The following HAUS6 variants were observed in gnomAD, a reference collection of about 807,000 sequenced individuals.
The protein encoded by HAUS6 is HAUS augmin like complex subunit 6.
Under a neutral mutation model 106.8 loss-of-function variants are expected in HAUS6, and 80 were observed. The observed-to-expected ratio is 0.75, with a 90% CI of 0.63 to 0.90. The LOEUF (loss-of-function observed/expected upper bound fraction) is 0.90. Among genes scored for constraint, HAUS6 ranks in the 40% least tolerant of loss-of-function variants. The pLI is 0.00. For synonymous variants in HAUS6, 356 were observed against 379.1 expected, an observed-to-expected ratio of 0.94 and a Z score of 0.71; for missense variants, 1,155 against 1,118.1, an observed-to-expected ratio of 1.03 and a Z score of -0.47.
chr9:19,060,015 T>C (rs772458527), intron 15 of HAUS6, 73 bp downstream of exon 15: 6 of 1,198,328 alleles, frequency 5.0e-6, no homozygotes, highest in Middle Eastern at 2.0e-4. Flanking sequence ...GCTAAAAAGA[T>C]CTGTCAGGCC....
chr9:19,063,304 C>CAATTTCACAATAG, intron 13 of HAUS6, 111 bp from the exon 14 acceptor site: 1 of 751,578 alleles, frequency 1.3e-6, no homozygotes, highest in Non-Finnish European at 2.1e-6. Context: ...GTTGTTAATA[C>CAATTTCACAATAG]TATTGTGAAA....
chr9:19,084,051 C>CAAAAAAAAAAA (rs35034404), intron 7 of HAUS6, among the ~76,000 whole-genome samples: 1 of 100,438 alleles, frequency 1.0e-5, no homozygotes. Flanking sequence ...AGGATCCTTG[C>CAAAAAAAAAAA]AAAAAAAAAA....
chr9:19,085,108 G>A (rs1166381298), intron 7 of HAUS6, among the ~76,000 whole-genome samples: 1 of 152,052 alleles, frequency 6.6e-6, no homozygotes, highest in Non-Finnish European at 1.5e-5. Context: ...ATGTTGTATG[G>A]CAAGGTAAAG....
intron 3 of HAUS6, among the ~76,000 whole-genome samples, chr9:19,094,044 C>T (rs1255239452): frequency 1.3e-5 from 2 of 152,148 alleles, no homozygotes; most frequent in East Asian, 1.9e-4. Flanking sequence ...AAATAATATA[C>T]GGTTGGAAAA....
At chr9:19,097,379 A>T (rs140957568) in intron 1 of HAUS6, among the ~76,000 whole-genome samples, 9 of 152,034 alleles carry the variant, frequency 5.9e-5, no homozygotes, top group Non-Finnish European at 1.5e-5. Context: ...CCAGAATCTA[A>T]AATGAACTCA....
intron 9 of HAUS6, 108 bp from the exon 10 acceptor site, chr9:19,078,410 A>C: frequency 1.5e-6 from 1 of 663,198 alleles, no homozygotes; most frequent in Non-Finnish European, 2.6e-6. Context: ...AATAGAAGTG[A>C]AAGTTCAATC....
At chr9:19,073,773 T>C (rs1008548632) in intron 11 of HAUS6, 4 of 152,116 alleles carry the variant, frequency 2.6e-5, no homozygotes, top group Non-Finnish European at 5.9e-5. Flanking sequence ...GGAACCAGGA[T>C]GCTCTATCTG....
chr9:19,101,805 A>G (rs892508303), intron 1 of HAUS6, among the ~76,000 whole-genome samples: 10 of 152,138 alleles, frequency 6.6e-5, no homozygotes, highest in African/African-American at 2.4e-4. Flanking sequence ...CTGTAATCCC[A>G]GCTACTCGGG....
chr9:19,098,650 A>G (rs1214194435), intron 1 of HAUS6, among the ~76,000 whole-genome samples: 3 of 152,102 alleles, frequency 2.0e-5, no homozygotes, highest in Non-Finnish European at 2.9e-5. Context: ...TAATGCAACC[A>G]TATGATTTTT....
At chr9:19,060,513 C>T (rs1836588715) in intron 14 of HAUS6, among the ~76,000 whole-genome samples, 1 of 152,208 alleles carries the variant, frequency 6.6e-6, no homozygotes, top group Non-Finnish European at 1.5e-5. Flanking sequence ...GAGGCAGTTC[C>T]AGTTGTGCAG....
Position 19,055,128 on chromosome 9 carries a change from TAAAAG to T in HAUS6, c.*1210_*1214del. 1 of 152,178 alleles carries T rather than the reference TAAAAG, an allele frequency of 6.6e-6. No individual in the cohort carries two copies. Among genetic ancestry groups the T allele is most frequent in the South Asian group, 2.1e-4 (1 of 4,820 alleles). 9.4% of individuals were successfully genotyped at this position (152,178 alleles called of 1,614,324 possible). On this transcript the variant is annotated 3_prime_UTR_variant, in exon 17 of 17. Coordinates refer to ENST00000380502, the MANE Select transcript of HAUS6 (RefSeq NM_017645.5). ...CAACTTAGAGAAAGGCAGCCCAAGA[TAAAAG>T]AAATAACTATTAAGCCATCTACTTC...
intron 2 of HAUS6, among the ~76,000 whole-genome samples, chr9:19,096,330 C>T (rs972759516): frequency 6.6e-6 from 1 of 151,976 alleles, no homozygotes; most frequent in Non-Finnish European, 1.5e-5. Context: ...TTTGGGAGGC[C>T]GAGGCAGGTG....
intron 10 of HAUS6, among the ~76,000 whole-genome samples, chr9:19,077,902 A>G (rs1837045918): frequency 6.6e-6 from 1 of 152,126 alleles, no homozygotes. Flanking sequence ...CTATAAAATT[A>G]AAGAAAAAAT....
rs187729338 is a variant in HAUS6 at position 19,058,073 on chromosome 9, C to T, written c.2694G>A (p.Thr898=). The T allele has an allele frequency of 6.2e-6, 10 of 1,613,786 alleles. No individual in the cohort carries two copies. Among genetic ancestry groups the T allele is most frequent in the Admixed American group, 1.7e-5 (1 of 60,024 alleles). ...HTEHIKPSLR[T]SIGERKRSLS... is the part of the protein sequence containing the mutation. Reference sequence around the variant, plus strand: ...GAGACCGTTTTCTTTCACCGATGGACGTGCGTAAAGATGGCTTTATATGCT... The same window carrying T: ...GAGACCGTTTTCTTTCACCGATGGATGTGCGTAAAGATGGCTTTATATGCT... Residue 898 remains threonine (T), a synonymous_variant, in exon 16 of 17, where the codon ACG becomes ACA. Transcript: ENST00000380502.
chr9:19,079,763 C>T (rs568927881), intron 9 of HAUS6, among the ~76,000 whole-genome samples: 50 of 151,150 alleles, frequency 3.3e-4, no homozygotes, highest in Non-Finnish European at 5.0e-4. Context: ...ATTAGCCAGG[C>T]GTGATGGCGC....
intron 7 of HAUS6, 53 bp downstream of exon 7, chr9:19,086,681 G>A (rs1837304287): frequency 1.3e-6 from 1 of 788,482 alleles, no homozygotes; most frequent in Non-Finnish European, 2.2e-6. Context: ...AGCAAACACT[G>A]CGTATCACAG....
In HAUS6 at chr9:19,058,683, T is replaced by A; in HGVS notation, c.2084A>T (p.Gln695Leu). ...GGTGAAGGCTAAACATTCCAAATCTTGCTTGCAAATTACTTTCTTATTTAA... is the reference window on the plus strand; with the variant it reads ...GGTGAAGGCTAAACATTCCAAATCTAGCTTGCAAATTACTTTCTTATTTAA... ...DLLNKKVICK[Q>L]DLECLAFTKL... Residue 695 changes from glutamine to leucine, a missense_variant, in exon 16 of 17, where the codon CAA (glutamine) becomes CTA (leucine). Transcript: ENST00000380502. 1 of 1,612,734 alleles carries A rather than the reference T, an allele frequency of 6.2e-7. No homozygotes were observed. The highest frequency in any genetic ancestry group is 8.5e-7 in the Non-Finnish European group (1 of 1,178,816).
At chr9:19,086,267 C>A (rs776568689) in intron 7 of HAUS6, among the ~76,000 whole-genome samples, 10 of 150,272 alleles carry the variant, frequency 6.7e-5, no homozygotes, top group African/African-American at 1.5e-4. Context: ...GCTGAGACCA[C>A]GCCACTGCAC....
intron 4 of HAUS6, among the ~76,000 whole-genome samples, chr9:19,090,722 T>A (rs1417385288): frequency 6.6e-6 from 1 of 152,130 alleles, no homozygotes; most frequent in Non-Finnish European, 1.5e-5. Context: ...GATCACATCA[T>A]CTCCATTGCT....
Sources: gnomAD v4.1 joint callset for allele counts (sites outside exome capture counted in the v4.1 genomes callset) on GRCh38, gnomAD v4.1.1 for gene constraint, MANE v1.5 for transcripts, NCBI Gene and HGNC (gene_info 2026-07-23, HGNC 2026-07-21) for gene names.